Variants in CDH1 observed in about 807,000 individuals in gnomAD.
CDH1 encodes cadherin 1.
Under a neutral mutation model 84.5 loss-of-function variants are expected in CDH1, and 35 were observed. That is an observed-to-expected ratio of 0.41 (90% confidence interval 0.32 to 0.55). CDH1 has a LOEUF of 0.55. Ranked by LOEUF, CDH1 falls within the 20% of genes least tolerant of loss-of-function variation. The pLI is 0.19. For missense variants in CDH1, 994 were observed against 1,126.6 expected, an observed-to-expected ratio of 0.88 and a Z score of 1.68; for synonymous variants, 417 against 439.0, an observed-to-expected ratio of 0.95 and a Z score of 0.63.
At chr16:68,826,118 C>T (rs1259163034) in intron 13 of CDH1, among the ~76,000 whole-genome samples, 1 of 151,762 alleles carries the variant, frequency 6.6e-6, no homozygotes, top group Non-Finnish European at 1.5e-5. Context: ...CTGTGCCCAG[C>T]CAGGGAATCT....
intron 2 of CDH1, among the ~76,000 whole-genome samples, chr16:68,740,923 G>A (rs1324016478): frequency 6.6e-6 from 1 of 151,546 alleles, no homozygotes; most frequent in African/African-American, 2.4e-5. Flanking sequence ...TTTTCTCCTT[G>A]TTTTTCACCT....
chr16:68,808,764 T>A lies in CDH1; in HGVS notation c.603T>A (p.Pro201=). Residue 201 remains proline (P), a synonymous_variant, in exon 5 of 16, where the codon CCT becomes CCA. Coordinates refer to ENST00000261769, the MANE Select transcript of CDH1 (RefSeq NM_004360.5). ...SITGQGADTP[P]VGVFIIERET... ...CTGGCCAAGGAGCTGACACACCCCC[T>A]GTTGGTGTCTTTATTATTGAAAGAG... 1.2e-6 allele frequency: 2 copies of A among 1,614,120 alleles called. No homozygotes were observed. Among genetic ancestry groups the A allele is most frequent in the Non-Finnish European group, 1.7e-6 (2 of 1,179,968 alleles).
intron 2 of CDH1, among the ~76,000 whole-genome samples, chr16:68,745,432 C>T (rs771410684): frequency 6.7e-6 from 1 of 149,962 alleles, no homozygotes; most frequent in Non-Finnish European, 1.5e-5. Flanking sequence ...GTCCCAACTA[C>T]TCAGGAGGCT....
At chr16:68,745,550 A>AAATATATATAAATATG (rs71253605) in intron 2 of CDH1, among the ~76,000 whole-genome samples, 1 of 50,496 alleles carries the variant, frequency 2.0e-5, no homozygotes. Context: ...AAAAAAAAAA[A>AAATATATATAAATATG]TATATATATA....
chr16:68,830,532 G>A (rs1370379566), intron 15 of CDH1, among the ~76,000 whole-genome samples: 2 of 152,102 alleles, frequency 1.3e-5, no homozygotes, highest in African/African-American at 4.8e-5. Context: ...AATGCATTCA[G>A]CTCTAAATAC....
intron 12 of CDH1, chr16:68,823,153 C>T (rs374524297): frequency 4.0e-6 from 2 of 501,384 alleles, no homozygotes; most frequent in Non-Finnish European, 7.2e-6. Context: ...AAGCCTCTCC[C>T]TCCAGCCACT....
At chr16:68,813,245 G>A in intron 8 of CDH1, 68 bp from the exon 9 acceptor site, 1 of 1,470,214 alleles carries the variant, frequency 6.8e-7, no homozygotes, top group East Asian at 2.3e-5. Flanking sequence ...GAATCCTTTA[G>A]CCCCCTGAGA....
intron 10 of CDH1, among the ~76,000 whole-genome samples, chr16:68,818,533 CTT>C (rs869272949): frequency 4.3e-4 from 53 of 123,286 alleles, no homozygotes; most frequent in Non-Finnish European, 7.2e-4. Context: ...TCTTGGTTTT[CTT>C]TTTTTTTTTT....
chr16:68,743,872 T>TG (rs1356177948), intron 2 of CDH1, among the ~76,000 whole-genome samples: 1 of 152,222 alleles, frequency 6.6e-6, no homozygotes, highest in Non-Finnish European at 1.5e-5. Flanking sequence ...ACCTGTAAAA[T>TG]GGGGCGGTAA....
intron 15 of CDH1, among the ~76,000 whole-genome samples, chr16:68,832,111 C>T (rs1191616514): frequency 6.6e-6 from 1 of 151,962 alleles, no homozygotes; most frequent in Non-Finnish European, 1.5e-5. Flanking sequence ...AAGAAGAGAA[C>T]AACAGACACT....
intron 2 of CDH1, among the ~76,000 whole-genome samples, chr16:68,792,332 C>A (rs1183116514): frequency 6.6e-6 from 1 of 151,668 alleles, no homozygotes; most frequent in Non-Finnish European, 1.5e-5. Flanking sequence ...CAGGTTCAAG[C>A]AATTCTCCTG....
intron 9 of CDH1, among the ~76,000 whole-genome samples, chr16:68,814,007 C>T (rs534684557): frequency 8.5e-5 from 13 of 152,108 alleles, no homozygotes; most frequent in Admixed American, 6.6e-5. Flanking sequence ...GAGGCCAAGG[C>T]GGGCAGATCA....
chr16:68,791,378 C>T (rs1960203725), intron 2 of CDH1, among the ~76,000 whole-genome samples: 1 of 152,042 alleles, frequency 6.6e-6, no homozygotes, highest in Admixed American at 6.6e-5. Context: ...AATTCCTTAC[C>T]TGCTTATATT....
Position 68,823,565 on chromosome 16 carries a change from C to A in CDH1, c.2103C>A (p.Val701=), listed in dbSNP as rs730881656. 6.2e-7 allele frequency: 1 copy of A among 1,613,846 alleles called. No individual in the cohort carries two copies. Among genetic ancestry groups the A allele is most frequent in the Non-Finnish European group, 8.5e-7 (1 of 1,180,004 alleles). The stretch of plus-strand genomic sequence containing the variant: ...GCGTCTGTAGGAAGGCACAGCCTGT[C>A]GAAGCAGGATTGCAAATTCCTGCCA... ...AAGVCRKAQP[V]EAGLQIPAIL... is the part of the protein sequence containing the mutation. Residue 701 remains valine (V), a synonymous_variant, in exon 13 of 16, where the codon GTC becomes GTA. Coordinates refer to ENST00000261769, the MANE Select transcript of CDH1 (RefSeq NM_004360.5).
intron 13 of CDH1, among the ~76,000 whole-genome samples, chr16:68,826,961 G>T (rs932791532): frequency 2.0e-4 from 30 of 152,118 alleles, no homozygotes; most frequent in African/African-American, 6.3e-4. Context: ...CCAAGTTTAT[G>T]CAACCTCCTG....
At chr16:68,831,370 G>A (rs1961480778) in intron 15 of CDH1, among the ~76,000 whole-genome samples, 2 of 151,182 alleles carry the variant, frequency 1.3e-5, no homozygotes, top group African/African-American at 2.4e-5. Context: ...GATTACAGGC[G>A]TGAGCCACCA....
At chr16:68,815,159 G>A (rs1486117884) in intron 9 of CDH1, among the ~76,000 whole-genome samples, 1 of 152,072 alleles carries the variant, frequency 6.6e-6, no homozygotes, top group African/African-American at 2.4e-5. Context: ...CCCAGGAGGT[G>A]GAGGTTGCAG....
At chr16:68,799,797 G>T (rs2152125767) in intron 2 of CDH1, among the ~76,000 whole-genome samples, 1 of 152,168 alleles carries the variant, frequency 6.6e-6, no homozygotes, top group Admixed American at 6.6e-5. Flanking sequence ...TGGATCACCT[G>T]AGGTCAGGAG....
chr16:68,779,849 G>T (rs1187299453), intron 2 of CDH1, among the ~76,000 whole-genome samples: 1 of 152,092 alleles, frequency 6.6e-6, no homozygotes, highest in Non-Finnish European at 1.5e-5. Flanking sequence ...AGTGCTGGGG[G>T]TGTTGGAGGG....
Sources: gnomAD v4.1 joint callset for allele counts (sites outside exome capture counted in the v4.1 genomes callset) on GRCh38, gnomAD v4.1.1 for gene constraint, MANE v1.5 for transcripts, NCBI Gene and HGNC (gene_info 2026-07-23, HGNC 2026-07-21) for gene names.